USP49: variants seen among roughly 807,000 people sequenced by gnomAD.
USP49 encodes the protein ubiquitin carboxyl-terminal hydrolase 49.
USP49 carries 24 observed loss-of-function variants against 58.6 expected under a neutral mutation model. The observed-to-expected ratio is 0.41, with a 90% CI of 0.30 to 0.58. USP49 has a LOEUF of 0.58. Among genes scored for constraint, USP49 ranks in the 20% least tolerant of loss-of-function variants. The pLI, the probability that USP49 is intolerant of heterozygous loss-of-function variation, is 0.30. For missense variants in USP49, 703 were observed against 866.1 expected, an observed-to-expected ratio of 0.81 and a Z score of 2.36; for synonymous variants, 408 against 365.1, an observed-to-expected ratio of 1.12 and a Z score of -1.34.
Position 41,796,765 on chromosome 6 carries a change from A to G in USP49, c.1877-42T>C. The G allele has an allele frequency of 4.2e-6, 3 of 707,612 alleles. No individual in the cohort carries two copies. The East Asian group carries it at 8.1e-5, about 19-fold the overall frequency. 43.8% of individuals were successfully genotyped at this position (707,612 alleles called of 1,614,324 possible). On this transcript the variant is annotated intron_variant, in intron 7 of 7. Coordinates refer to ENST00000682992, the MANE Select transcript of USP49 (RefSeq NM_001286554.2). ...GAAAAAGAGAGAAAATGACTACCCA[A>G]TTCATATTTTAGTCAGCAGGCAAAA...
At position 41,893,314 on chromosome 6, in the gene USP49, C is replaced by G. The variant is rs74771274; in HGVS notation, c.-184-1439G>C. On this transcript the variant is annotated intron_variant, in intron 1 of 7. Transcript: ENST00000682992. ...AAAGGCAGCTCAGGAACTCAAAGCC[C>G]TCAGCTCTGATTTAATCTCTCCCCC... 2.3e-3 allele frequency among the ~76,000 whole-genome samples: 344 copies of G among 152,302 alleles called. 5 individuals carry two copies. Among genetic ancestry groups the G allele is most frequent in the African/African-American group, 7.7e-3 (320 of 41,562 alleles).
At chr6:41,817,460 T>C (rs748476543) in intron 3 of USP49, among the ~76,000 whole-genome samples, 3 of 31,958 alleles carry the variant, frequency 9.4e-5, no homozygotes, top group African/African-American at 3.9e-4. Flanking sequence ...TTTCTTTCTT[T>C]TTTTTTTTTT....
rs532490861 is a variant in USP49, at chr6:41,864,737, A to G, written c.-29+6827T>C. Among the ~76,000 whole-genome samples, 78 of 152,230 alleles carry G rather than the reference A, an allele frequency of 5.1e-4. 1 individual carries two copies. Among genetic ancestry groups the G allele is most frequent in the South Asian group, 1.2e-3 (6 of 4,820 alleles). On this transcript the variant is annotated intron_variant, in intron 3 of 7. Transcript: ENST00000682992. ...AGTTTCTTTTTCCATTAATATTCTA[A>G]TGGCATTCCAGTTGTCAGTATTTAG...
At chr6:41,840,992 A>G (rs1582014535) in intron 3 of USP49, among the ~76,000 whole-genome samples, 1 of 152,012 alleles carries the variant, frequency 6.6e-6, no homozygotes, top group South Asian at 2.1e-4. Flanking sequence ...GTGACAGAGC[A>G]AGATCCTTGT....
intron 3 of USP49, among the ~76,000 whole-genome samples, chr6:41,822,604 T>C (rs944200735): frequency 2.0e-5 from 3 of 152,072 alleles, no homozygotes; most frequent in African/African-American, 7.2e-5. Flanking sequence ...TCCTAGCACT[T>C]TGGGAGGCCG....
At chr6:41,799,755 T>C in intron 6 of USP49, 75 bp downstream of exon 6, 2 of 1,309,654 alleles carry the variant, frequency 1.5e-6, no homozygotes, top group Non-Finnish European at 2.2e-6. Flanking sequence ...ATAGAAGACA[T>C]TTGCCCTCAC....
chr6:41,887,056 T>C (rs542575400), intron 2 of USP49, among the ~76,000 whole-genome samples: 70 of 152,330 alleles, frequency 4.6e-4, no homozygotes, highest in African/African-American at 1.5e-3. Flanking sequence ...AGTGAGCATA[T>C]GACATATCCT....
intron 1 of USP49, among the ~76,000 whole-genome samples, chr6:41,894,682 A>C (rs1419341359): frequency 2.0e-5 from 3 of 150,884 alleles, no homozygotes; most frequent in East Asian, 3.9e-4. Context: ...CCTCACCCCA[A>C]CACCACCCGC....
intron 3 of USP49, among the ~76,000 whole-genome samples, chr6:41,864,848 A>G (rs1774282622): frequency 6.6e-6 from 1 of 152,154 alleles, no homozygotes; most frequent in African/African-American, 2.4e-5. Context: ...CCTTCAAGTC[A>G]GTATTAAGTG....
intron 3 of USP49, among the ~76,000 whole-genome samples, chr6:41,826,480 T>C (rs954582501): frequency 2.0e-5 from 3 of 152,158 alleles, no homozygotes; most frequent in African/African-American, 7.2e-5. Flanking sequence ...AAATATGCCA[T>C]AGAATTGTTC....
At chr6:41,854,873 A>C (rs891039137) in intron 3 of USP49, among the ~76,000 whole-genome samples, 4 of 152,152 alleles carry the variant, frequency 2.6e-5, no homozygotes, top group African/African-American at 9.7e-5. Flanking sequence ...ACCAGGTTCA[A>C]GTAATTCTCG....
At chr6:41,859,020 C>T (rs1774176093) in intron 3 of USP49, among the ~76,000 whole-genome samples, 1 of 152,148 alleles carries the variant, frequency 6.6e-6, no homozygotes, top group African/African-American at 2.4e-5. Flanking sequence ...AAACTACCTC[C>T]ACATCCATTG....
intron 3 of USP49, chr6:41,868,834 G>T (rs1211705562): frequency 6.6e-6 from 1 of 152,102 alleles, no homozygotes; most frequent in Non-Finnish European, 1.5e-5. Flanking sequence ...CGTGATCTCA[G>T]CTCACTGCAA....
chr6:41,861,811 A>G (rs1404589722), intron 3 of USP49, among the ~76,000 whole-genome samples: 1 of 150,328 alleles, frequency 6.7e-6, no homozygotes, highest in Non-Finnish European at 1.5e-5. Flanking sequence ...CAATTCCCCT[A>G]CCTCAGCCTC....
At chr6:41,876,459 C>G (rs1774506732) in intron 2 of USP49, among the ~76,000 whole-genome samples, 1 of 152,086 alleles carries the variant, frequency 6.6e-6, no homozygotes, top group African/African-American at 2.4e-5. Context: ...CTCTGTTGCC[C>G]AGGCTAGAGT....
intron 3 of USP49, among the ~76,000 whole-genome samples, chr6:41,837,745 CTTAAA>C (rs1773752649): frequency 6.6e-6 from 1 of 152,132 alleles, no homozygotes. Flanking sequence ...CTATAAGGAA[CTTAAA>C]TTAACAAGCA....
At position 41,790,971 on chromosome 6, in the gene USP49, C is replaced by T. The variant is rs536248495; in HGVS notation, c.*5562G>A. On this transcript the variant is annotated 3_prime_UTR_variant, in exon 8 of 8. Transcript: ENST00000682992. The stretch of plus-strand genomic sequence containing the variant: ...TTTTAAGCCATAGTATAGATGCTAA[C>T]CCCCATTTAGACCTGCATCAGATCA... 9.9e-5 allele frequency: 15 copies of T among 152,180 alleles called. No individual in the cohort carries two copies. The highest frequency in any genetic ancestry group is 1.8e-4 in the Non-Finnish European group (12 of 68,040). 9.4% of individuals were successfully genotyped at this position (152,180 alleles called of 1,614,324 possible). A position where few individuals can be genotyped will look rare whatever the true frequency, so the allele number is the denominator to read the frequency against.
chr6:41,881,736 A>G (rs1357009484), intron 2 of USP49, among the ~76,000 whole-genome samples: 1 of 152,176 alleles, frequency 6.6e-6, no homozygotes, highest in Non-Finnish European at 1.5e-5. Flanking sequence ...GAGAAGGTTC[A>G]TTATACTTTA....
At chr6:41,879,377 T>A (rs1220683317) in intron 2 of USP49, among the ~76,000 whole-genome samples, 1 of 152,036 alleles carries the variant, frequency 6.6e-6, no homozygotes, top group Non-Finnish European at 1.5e-5. Flanking sequence ...CACAGGTGCA[T>A]GCCACCACAC....
Sources: allele counts gnomAD v4.1 joint callset (sites outside exome capture counted in the v4.1 genomes callset), GRCh38; gene constraint gnomAD v4.1.1; transcripts MANE v1.5; gene names NCBI Gene and HGNC (gene_info 2026-07-23, HGNC 2026-07-21).